Variants in HTR4 observed in about 807,000 individuals in gnomAD.
The protein encoded by HTR4 is 5-hydroxytryptamine (serotonin) receptor 4, G protein-coupled.
In HTR4, 16 loss-of-function variants were observed where a neutral mutation model predicts 36.8. The ratio of observed to expected loss-of-function variants is 0.43; its 90% CI spans 0.29 to 0.66. HTR4 has a LOEUF of 0.66. Ranked by LOEUF, HTR4 falls within the 30% of genes least tolerant of loss-of-function variation. HTR4 has a pLI of 0.13. For synonymous variants in HTR4, 189 were observed against 185.1 expected (o/e 1.02, Z -0.17); for missense variants, 438 against 490.9 (o/e 0.89, Z 1.02).
intron 2 of HTR4, among the ~76,000 whole-genome samples, chr5:148,586,361 A>G (rs1480921505): frequency 6.6e-6 from 1 of 151,978 alleles, no homozygotes; most frequent in East Asian, 1.9e-4. Flanking sequence ...TCCTGGAGCC[A>G]TTTTGTATTT....
intron 2 of HTR4, among the ~76,000 whole-genome samples, chr5:148,632,751 A>C (rs1036826454): frequency 1.3e-5 from 2 of 152,176 alleles, no homozygotes; most frequent in African/African-American, 4.8e-5. Context: ...AGCCAGAAAA[A>C]AGAGACAGAA....
chr5:148,459,542 G>A (rs562454823), intron 5 of HTR4, among the ~76,000 whole-genome samples: 41 of 152,208 alleles, frequency 2.7e-4, no homozygotes, highest in South Asian at 4.1e-4. Context: ...TAAGAAGCAC[G>A]TGTGAAGTTC....
intron 2 of HTR4, among the ~76,000 whole-genome samples, chr5:148,585,490 C>T (rs954143859): frequency 6.6e-6 from 1 of 152,156 alleles, no homozygotes; most frequent in Admixed American, 6.5e-5. Context: ...CAGAACCATG[C>T]TAGTCACTGT....
chr5:148,546,207 A>G (rs1759376172), intron 4 of HTR4, among the ~76,000 whole-genome samples: 2 of 152,178 alleles, frequency 1.3e-5, no homozygotes, highest in African/African-American at 4.8e-5. Context: ...AGTTACAAGA[A>G]ACTGACATGA....
chr5:148,520,212 G>C (rs1283999584), intron 5 of HTR4, among the ~76,000 whole-genome samples: 1 of 152,080 alleles, frequency 6.6e-6, no homozygotes, highest in East Asian at 1.9e-4. Flanking sequence ...CTTCTCTCTA[G>C]GCAGGTTCAG....
At chr5:148,634,840 A>G (rs1376417170) in intron 2 of HTR4, among the ~76,000 whole-genome samples, 2 of 152,168 alleles carry the variant, frequency 1.3e-5, no homozygotes, top group African/African-American at 4.8e-5. Context: ...TTCCTGGGCT[A>G]GAAACCCAGG....
At chr5:148,653,551 G>A (rs1250099552) in intron 1 of HTR4, among the ~76,000 whole-genome samples, 1 of 151,962 alleles carries the variant, frequency 6.6e-6, no homozygotes, top group Admixed American at 6.6e-5. Context: ...TCATGGCTAC[G>A]TATACACACA....
At chr5:148,567,038 C>T (rs965004307) in intron 2 of HTR4, among the ~76,000 whole-genome samples, 3 of 151,908 alleles carry the variant, frequency 2.0e-5, no homozygotes, top group East Asian at 1.9e-4. Context: ...GAAATCCGCA[C>T]GTATTGTTCC....
At chr5:148,463,149 T>C (rs552847748) in intron 5 of HTR4, among the ~76,000 whole-genome samples, 31 of 148,992 alleles carry the variant, frequency 2.1e-4, no homozygotes, top group African/African-American at 7.0e-4. Flanking sequence ...GCTTTGCTTT[T>C]CATTTCTTTT....
chr5:148,481,450 T>C (rs951934248), downstream of HTR4: 4 of 913,816 alleles, frequency 4.4e-6, no homozygotes, highest in African/African-American at 3.4e-5. Context: ...GAATTCTGAA[T>C]AGCATTTCTC....
At chr5:148,517,418 A>T (rs1352727116) in intron 5 of HTR4, among the ~76,000 whole-genome samples, 1 of 151,928 alleles carries the variant, frequency 6.6e-6, no homozygotes, top group African/African-American at 2.4e-5. Context: ...GCAGAATTTG[A>T]TATCAAGCTC....
downstream of HTR4, chr5:148,476,561 G>C: frequency 7.0e-7 from 1 of 1,426,514 alleles, no homozygotes; most frequent in Non-Finnish European, 9.2e-7. Context: ...CTGAGATTTG[G>C]GACTGAAGGG....
intron 4 of HTR4, among the ~76,000 whole-genome samples, chr5:148,530,925 C>T (rs1561600372): frequency 6.6e-6 from 1 of 152,210 alleles, no homozygotes; most frequent in South Asian, 2.1e-4. Context: ...GATTTTAGTG[C>T]CCCACTGTAT....
chr5:148,503,718 A>G (rs1195848092), intron 6 of HTR4, among the ~76,000 whole-genome samples: 2 of 152,150 alleles, frequency 1.3e-5, no homozygotes, highest in African/African-American at 4.8e-5. Context: ...AAGAGTCAAG[A>G]CCCATCAGTG....
chr5:148,554,593 G>C (rs1323513510), intron 2 of HTR4, among the ~76,000 whole-genome samples: 1 of 152,178 alleles, frequency 6.6e-6, no homozygotes, highest in South Asian at 2.1e-4. Context: ...AAGAATTATA[G>C]AGTGTTTGGA....
chr5:148,562,282 G>C (rs7718022), intron 2 of HTR4, among the ~76,000 whole-genome samples: 93,946 of 152,002 alleles, frequency 0.62, 31,403 homozygotes, highest in African/African-American at 0.9. Flanking sequence ...ATGAAAAAGT[G>C]TCATGACCCC....
rs1761233050 is a variant in HTR4, at chr5:148,583,628, ATC to A, written c.27-33368_27-33367del. On this transcript the variant is annotated intron_variant, in intron 2 of 6. Coordinates refer to ENST00000377888, the MANE Select transcript of HTR4 (RefSeq NM_000870.7). ...ACTAATTGCCATCATCATCATCATC[ATC>A]ATCATCATCATCATCATCATTATTA... is the stretch of plus-strand genomic sequence containing the variant. Among the ~76,000 whole-genome samples the A allele has an allele frequency of 2.6e-5, 4 of 151,744 alleles. No homozygotes were observed. The South Asian group carries it at 8.4e-4, about 32-fold the overall frequency.
At chr5:148,600,575 T>C (rs1263599237) in intron 2 of HTR4, among the ~76,000 whole-genome samples, 1 of 151,642 alleles carries the variant, frequency 6.6e-6, no homozygotes, top group Non-Finnish European at 1.5e-5. Flanking sequence ...TTTTATACAC[T>C]AGTAAGAAAC....
At chr5:148,584,809 G>T (rs1761288277) in intron 2 of HTR4, among the ~76,000 whole-genome samples, 1 of 152,108 alleles carries the variant, frequency 6.6e-6, no homozygotes, top group Non-Finnish European at 1.5e-5. Context: ...AAAGATTGCT[G>T]GCATCACATC....
Sources: gnomAD v4.1 joint callset for allele counts (sites outside exome capture counted in the v4.1 genomes callset) on GRCh38, gnomAD v4.1.1 for gene constraint, MANE v1.5 for transcripts, NCBI Gene and HGNC (gene_info 2026-07-23, HGNC 2026-07-21) for gene names.